Variants in ARPP21 observed in about 807,000 individuals in gnomAD.
ARPP21 encodes the protein cAMP regulated phosphoprotein 21.
ARPP21 carries 69 observed loss-of-function variants against 113.2 expected under a neutral mutation model. The ratio of observed to expected loss-of-function variants is 0.61; its 90% CI spans 0.50 to 0.74. The LOEUF (loss-of-function observed/expected upper bound fraction) is 0.74, where lower values mean the gene tolerates loss of function less well. Among genes scored for constraint, ARPP21 ranks in the 30% least tolerant of loss-of-function variants. The pLI is 0.00. For synonymous variants in ARPP21, 368 were observed against 375.5 expected (o/e 0.98, Z 0.23); for missense variants, 1,070 against 1,037.4 (o/e 1.03, Z -0.43).
intron 19 of ARPP21, among the ~76,000 whole-genome samples, chr3:35,751,579 A>G (rs764860211): frequency 7.2e-5 from 11 of 152,126 alleles, no homozygotes; most frequent in Non-Finnish European, 1.3e-4. Context: ...CACTCTTTTC[A>G]CTTACATTTA....
chr3:35,755,906 A>G (rs1449842752), intron 19 of ARPP21, among the ~76,000 whole-genome samples: 1 of 152,240 alleles, frequency 6.6e-6, no homozygotes, highest in East Asian at 1.9e-4. Context: ...TTTTGAATAG[A>G]AAGCAGTTTG....
At chr3:35,778,249 T>A (rs548083943) in intron 19 of ARPP21, among the ~76,000 whole-genome samples, 1 of 152,178 alleles carries the variant, frequency 6.6e-6, no homozygotes, top group African/African-American at 2.4e-5. Context: ...TTATTCTCTG[T>A]GTTTCCTCCC....
At position 35,749,338 on chromosome 3, in the gene ARPP21, T is replaced by G. The variant is rs1258007698; in HGVS notation, c.2137+5373T>G. 3.3e-5 allele frequency among the ~76,000 whole-genome samples: 5 copies of G among 151,234 alleles called. No homozygotes were observed. The East Asian group carries it at 9.7e-4, about 29-fold the overall frequency. On this transcript the variant is annotated intron_variant, in intron 19 of 20. Coordinates refer to ENST00000684406, the MANE Select transcript of ARPP21 (RefSeq NM_001385562.1). The stretch of plus-strand genomic sequence containing the variant: ...ACAAAAAAGAGTTCCTTTTAAATGG[T>G]TTCCAACTCCAAATTTCCTATGAAG...
In ARPP21 at chr3:35,683,783, GC is replaced by G; in HGVS notation, c.231del (p.Arg78AspfsTer70). 1 of 1,553,262 alleles carries G rather than the reference GC, an allele frequency of 6.4e-7. No homozygotes were observed. The highest frequency in any genetic ancestry group is 8.9e-7 in the Non-Finnish European group (1 of 1,126,292). ...CCTTGCTGTCTGTGAGGAATCTTCT[GC>G]CAGACCAGGAGGTGAAAGTCTTCAG... ...RSLAVCEESS[A>X]RPGGESLQDQ... On this transcript the variant is annotated frameshift_variant, in exon 5 of 21. Transcript: ENST00000684406. LOFTEE classifies it high-confidence loss of function.
At chr3:35,777,731 A>G (rs1173519213) in intron 19 of ARPP21, among the ~76,000 whole-genome samples, 2 of 152,130 alleles carry the variant, frequency 1.3e-5, no homozygotes, top group African/African-American at 4.8e-5. Context: ...ATTGTTATCT[A>G]TTTGATCTCA....
At chr3:35,745,537 T>C (rs967305916) in intron 19 of ARPP21, among the ~76,000 whole-genome samples, 3 of 152,208 alleles carry the variant, frequency 2.0e-5, no homozygotes, top group Admixed American at 1.3e-4. Context: ...AGTGTCATCA[T>C]ACAAAGAAAC....
At chr3:35,736,797 G>A (rs186118406) in intron 15 of ARPP21, among the ~76,000 whole-genome samples, 13 of 152,270 alleles carry the variant, frequency 8.5e-5, no homozygotes, top group East Asian at 1.9e-4. Context: ...GAAAGCAGCC[G>A]TTATCCTTCA....
At chr3:35,709,109 T>C in intron 11 of ARPP21, 39 bp downstream of exon 11, 1 of 1,394,788 alleles carries the variant, frequency 7.2e-7, no homozygotes. Context: ...GTGCGCTCCT[T>C]CCAACAGCAG....
At chr3:35,689,942 G>A (rs1433249770) in intron 7 of ARPP21, 139 bp from the exon 8 acceptor site, 4 of 575,786 alleles carry the variant, frequency 6.9e-6, no homozygotes, top group African/African-American at 1.9e-5. Context: ...TAAATGGTCA[G>A]CATATTCCAA....
At chr3:35,779,193 A>G (rs2096463751) in intron 19 of ARPP21, among the ~76,000 whole-genome samples, 1 of 152,196 alleles carries the variant, frequency 6.6e-6, no homozygotes, top group African/African-American at 2.4e-5. Flanking sequence ...TAAAAGATGT[A>G]TTCTCCGGGT....
chr3:35,679,641 C>A (rs1261452922), intron 1 of ARPP21, 146 bp from the exon 2 acceptor site: 2 of 151,908 alleles, frequency 1.3e-5, no homozygotes, highest in Non-Finnish European at 2.9e-5. Flanking sequence ...AAGCAGGCAG[C>A]TTGAGACAGG....
At position 35,690,814 on chromosome 3, in the gene ARPP21, T is replaced by G. The variant is rs762909266; in HGVS notation, c.546-51T>G. The G allele has an allele frequency of 2.6e-6, 4 of 1,552,492 alleles. No homozygotes were observed. In the South Asian group the frequency reaches 3.6e-5, roughly 14 times the overall value. ...TGTGTATACTTGTAAAAAGGTATTA[T>G]GGGCAAAAAATGAAAATGCTGATTC... On this transcript the variant is annotated intron_variant, in intron 8 of 20. Transcript: ENST00000684406.
At chr3:35,704,538 T>C (rs1257453937) in intron 9 of ARPP21, among the ~76,000 whole-genome samples, 1 of 151,908 alleles carries the variant, frequency 6.6e-6, no homozygotes. Context: ...AAAACATTTG[T>C]TTTTGTAACA....
At chr3:35,702,103 G>T (rs1396283341) in intron 9 of ARPP21, among the ~76,000 whole-genome samples, 1 of 151,344 alleles carries the variant, frequency 6.6e-6, no homozygotes, top group African/African-American at 2.4e-5. Context: ...ATATATAAAA[G>T]GTTAAAATAA....
Position 35,709,067 on chromosome 3 carries a change from C to A in ARPP21, c.894C>A (p.His298Gln). ...YQRVRERIFA[H>Q]DSVCSQESLF... ...GAGTGAGGGAGAGAATATTTGCACA[C>A]GATGTGAGTAGTTGTTTTAATTGCC... Residue 298 changes from histidine to glutamine, a missense_variant, in exon 11 of 21, where the codon CAC becomes CAA. Coordinates refer to ENST00000684406, the MANE Select transcript of ARPP21 (RefSeq NM_001385562.1). 2 of 1,605,962 alleles carry A rather than the reference C, an allele frequency of 1.2e-6. No individual in the cohort carries two copies. Among genetic ancestry groups the A allele is most frequent in the East Asian group, 2.2e-5 (1 of 44,776 alleles).
chr3:35,783,495 A>ATC (rs1401073324), intron 19 of ARPP21, among the ~76,000 whole-genome samples: 1 of 150,932 alleles, frequency 6.6e-6, no homozygotes, highest in Admixed American at 6.6e-5. Context: ...TCCTACATCT[A>ATC]TCTCTCTCTC....
intron 15 of ARPP21, among the ~76,000 whole-genome samples, chr3:35,734,224 T>A (rs1160363861): frequency 6.6e-6 from 1 of 152,134 alleles, no homozygotes; most frequent in African/African-American, 2.4e-5. Context: ...CTTGTCTTTT[T>A]AAAATATAGA....
chr3:35,669,473 T>A (rs1368836241), intron 1 of ARPP21, among the ~76,000 whole-genome samples: 1 of 152,156 alleles, frequency 6.6e-6, no homozygotes, highest in Non-Finnish European at 1.5e-5. Context: ...GATAATTTTA[T>A]CCTAGCAATT....
chr3:35,681,963 A>G, intron 3 of ARPP21, 83 bp downstream of exon 3: 1 of 1,431,358 alleles, frequency 7.0e-7, no homozygotes, highest in Non-Finnish European at 9.3e-7. Flanking sequence ...TTAGAGATTT[A>G]TTTTTTAAAG....
Sources: allele counts gnomAD v4.1 joint callset (sites outside exome capture counted in the v4.1 genomes callset), GRCh38; gene constraint gnomAD v4.1.1; transcripts MANE v1.5; gene names NCBI Gene and HGNC (gene_info 2026-07-23, HGNC 2026-07-21).